The following HTR4 variants were observed in gnomAD, a reference collection of about 807,000 sequenced individuals.
The protein encoded by HTR4 is 5-hydroxytryptamine (serotonin) receptor 4, G protein-coupled.
HTR4 carries 16 observed loss-of-function variants against 36.8 expected under a neutral mutation model. The observed-to-expected ratio is 0.43, with a 90% CI of 0.29 to 0.66. The LOEUF (loss-of-function observed/expected upper bound fraction) is 0.66. HTR4 is among the 30% of genes least tolerant of loss of function. The pLI is 0.13. For missense variants in HTR4, 438 were observed against 490.9 expected, an observed-to-expected ratio of 0.89 and a Z score of 1.02; for synonymous variants, 189 against 185.1, an observed-to-expected ratio of 1.02 and a Z score of -0.17.
chr5:148,499,882 C>G (rs1402512893), intron 6 of HTR4, among the ~76,000 whole-genome samples: 4 of 152,166 alleles, frequency 2.6e-5, no homozygotes, highest in Admixed American at 6.6e-5. Flanking sequence ...TCCTCTCTTT[C>G]TCTCTCTTGC....
chr5:148,620,227 A>G (rs1267317301), intron 2 of HTR4, among the ~76,000 whole-genome samples: 1 of 152,218 alleles, frequency 6.6e-6, no homozygotes, highest in Non-Finnish European at 1.5e-5. Context: ...TGCTGACAAA[A>G]TGGTTTTAAG....
chr5:148,592,836 G>A (rs1761625807), intron 2 of HTR4, among the ~76,000 whole-genome samples: 1 of 151,872 alleles, frequency 6.6e-6, no homozygotes, highest in Non-Finnish European at 1.5e-5. Context: ...CTACCACTTT[G>A]CTAATTTCCT....
intron 2 of HTR4, among the ~76,000 whole-genome samples, chr5:148,614,511 A>C (rs1363436662): frequency 1.3e-5 from 2 of 152,092 alleles, no homozygotes; most frequent in African/African-American, 2.4e-5. Context: ...CCTTCCTTAC[A>C]CCTTATACAA....
intron 4 of HTR4, among the ~76,000 whole-genome samples, chr5:148,545,315 G>A (rs1477520003): frequency 6.6e-6 from 1 of 152,226 alleles, no homozygotes; most frequent in Admixed American, 6.5e-5. Flanking sequence ...CTCACAAAGA[G>A]AACGTGCTGA....
chr5:148,580,122 A>G (rs1367907554), intron 2 of HTR4, among the ~76,000 whole-genome samples: 9 of 152,052 alleles, frequency 5.9e-5, no homozygotes, highest in Admixed American at 5.9e-4. Flanking sequence ...ATCCTCAGCT[A>G]TAAAATGGGA....
chr5:148,556,423 A>G (rs1287107616), intron 2 of HTR4, among the ~76,000 whole-genome samples: 2 of 152,200 alleles, frequency 1.3e-5, no homozygotes, highest in East Asian at 3.8e-4. Flanking sequence ...CAGTTTCTTC[A>G]TGGATCAATT....
chr5:148,451,220 G>C, exon 6 of HTR4: 1 of 1,613,920 alleles, frequency 6.2e-7, no homozygotes, highest in Non-Finnish European at 8.5e-7. Context: ...GGGTCATTGT[G>C]TATGGGCAGT....
At chr5:148,483,559 TC>T (rs1475529759) in intron 6 of HTR4, among the ~76,000 whole-genome samples, 1 of 152,234 alleles carries the variant, frequency 6.6e-6, no homozygotes, top group Non-Finnish European at 1.5e-5. Flanking sequence ...TCAGGCCCCC[TC>T]AACATTGTGC....
intron 2 of HTR4, among the ~76,000 whole-genome samples, chr5:148,608,354 A>C (rs1561647032): frequency 6.6e-6 from 1 of 152,214 alleles, no homozygotes; most frequent in Non-Finnish European, 1.5e-5. Flanking sequence ...TTAAGGGGAC[A>C]TTTTAGAGAA....
At position 148,569,831 on chromosome 5, in the gene HTR4, C is replaced by A. The variant is rs17108430; in HGVS notation, c.27-19569G>T. Among the ~76,000 whole-genome samples the A allele has an allele frequency of 3.3e-3, 502 of 151,906 alleles. 5 individuals are homozygous for A. The highest frequency in any genetic ancestry group is 0.01 in the African/African-American group (431 of 41,474). On this transcript the variant is annotated intron_variant, in intron 2 of 6. Coordinates refer to ENST00000377888, the MANE Select transcript of HTR4 (RefSeq NM_000870.7). ...AGGTCATGGCCATAAGAATGCACAC[C>A]CAATTGTTAATCATAAATATTTTGG...
intron 2 of HTR4, among the ~76,000 whole-genome samples, chr5:148,617,982 A>T (rs1752767050): frequency 6.6e-6 from 1 of 152,226 alleles, no homozygotes; most frequent in Admixed American, 6.5e-5. Flanking sequence ...ACTGTCTCTC[A>T]GCAATTCCCT....
chr5:148,523,525 G>T (rs2277049), intron 4 of HTR4, among the ~76,000 whole-genome samples, 179 bp from the exon 5 acceptor site: 25,689 of 151,344 alleles, frequency 0.17, 3,729 homozygotes, highest in African/African-American at 0.39. Flanking sequence ...GGAAATAAAA[G>T]AAAGAATACA....
chr5:148,455,078 A>T (rs1755067208), intron 5 of HTR4, among the ~76,000 whole-genome samples: 1 of 152,146 alleles, frequency 6.6e-6, no homozygotes. Flanking sequence ...TGTGCCAGGT[A>T]CCATTTTTGG....
At chr5:148,553,549 T>G (rs1465937070) in intron 2 of HTR4, among the ~76,000 whole-genome samples, 1 of 152,148 alleles carries the variant, frequency 6.6e-6, no homozygotes, top group Non-Finnish European at 1.5e-5. Context: ...GGAGGCAAGA[T>G]TTAGTACCAG....
At chr5:148,508,796 G>T (rs780694543) in intron 6 of HTR4, among the ~76,000 whole-genome samples, 1 of 151,160 alleles carries the variant, frequency 6.6e-6, no homozygotes. Context: ...TATTACTATT[G>T]GTCCTAATAT....
rs201241319 is a variant in HTR4 at position 148,509,891 on chromosome 5, C to A, written c.641G>T (p.Arg214Leu). Reference sequence around the variant, plus strand: ...ATGCTCCTTAGCTGTGACATAGATGCGGTAATAGGCCAGCACCATGAGGAG... The same window carrying A: ...ATGCTCCTTAGCTGTGACATAGATGAGGTAATAGGCCAGCACCATGAGGAG... ...PFLLMVLAYY[R>L]IYVTAKEHAH... is the part of the protein sequence containing the mutation. Residue 214 changes from arginine (R) to leucine (L), a missense_variant, in exon 6 of 7, where the codon CGC (arginine) becomes CTC (leucine). Physicochemically the swap from Arg to Leu is moderately radical, Grantham distance 102. Transcript: ENST00000377888. 1.2e-6 allele frequency: 2 copies of A among 1,613,688 alleles called. No individual in the cohort carries two copies. Among genetic ancestry groups the A allele is most frequent in the Non-Finnish European group, 1.7e-6 (2 of 1,179,970 alleles).
At position 148,457,803 on chromosome 5, in the gene HTR4, CATATATTTTGATATATCATTAAAAT is replaced by C. The variant is rs545413233; in HGVS notation, c.1077-6556_1077-6532del. On this transcript the variant is annotated intron_variant, in intron 5 of 5. Coordinates refer to the HTR4 transcript ENST00000521530. ...ATATTTTGACATATCATTAAAATAT[CATATATTTTGATATATCATTAAAAT>C]ATATATTTTGTTATATCATTAAAAT... 2.8e-3 allele frequency among the ~76,000 whole-genome samples: 343 copies of C among 123,812 alleles called. 14 individuals carry two copies. The highest frequency in any genetic ancestry group is 0.011 in the African/African-American group (329 of 30,898). The allele number at this position is 123,812 out of a possible 152,430, so 81.2% of individuals were successfully genotyped here. A position where few individuals can be genotyped will look rare whatever the true frequency, so the allele number is the denominator to read the frequency against.
At chr5:148,561,632 T>A (rs1334721791) in intron 2 of HTR4, among the ~76,000 whole-genome samples, 1 of 152,184 alleles carries the variant, frequency 6.6e-6, no homozygotes, top group Non-Finnish European at 1.5e-5. Context: ...AACATTTTTT[T>A]TTTTTTTACA....
At chr5:148,508,326 G>A (rs1757320039) in intron 6 of HTR4, among the ~76,000 whole-genome samples, 1 of 152,162 alleles carries the variant, frequency 6.6e-6, no homozygotes, top group African/African-American at 2.4e-5. Context: ...CAGGATGAAT[G>A]TATTTATCAC....
Sources: allele counts gnomAD v4.1 joint callset (sites outside exome capture counted in the v4.1 genomes callset), GRCh38; gene constraint gnomAD v4.1.1; transcripts MANE v1.5; gene names NCBI Gene and HGNC (gene_info 2026-07-23, HGNC 2026-07-21).